Variants in MAP4 observed in about 807,000 individuals in gnomAD.
The protein encoded by MAP4 is microtubule-associated protein 4.
A neutral mutation model predicts 170.2 loss-of-function variants in MAP4; 76 were observed. The ratio of observed to expected loss-of-function variants is 0.45; its 90% CI spans 0.37 to 0.54. The LOEUF is 0.54. Among genes scored for constraint, MAP4 ranks in the 20% least tolerant of loss-of-function variants. MAP4 has a pLI of 0.00. For synonymous variants in MAP4, 909 were observed against 994.5 expected, an observed-to-expected ratio of 0.91 and a Z score of 1.62; for missense variants, 2,506 against 2,748.0, an observed-to-expected ratio of 0.91 and a Z score of 1.97.
upstream of MAP4, among the ~76,000 whole-genome samples, chr3:48,017,477 CTT>C (rs1016590856): frequency 7.0e-6 from 1 of 142,538 alleles, no homozygotes; most frequent in South Asian, 2.1e-4. Flanking sequence ...ATGTCTTTTT[CTT>C]TTTTCTTTTT....
chr3:47,994,358 T>C (rs1053019803), intron 2 of MAP4, among the ~76,000 whole-genome samples: 2 of 152,214 alleles, frequency 1.3e-5, no homozygotes, highest in African/African-American at 4.8e-5. Flanking sequence ...AAAGGAATGA[T>C]AAGATGTAAA....
chr3:47,974,183 T>C (rs2100080556), intron 3 of MAP4: 17 of 934,074 alleles, frequency 1.8e-5, no homozygotes, highest in Non-Finnish European at 2.2e-5. Flanking sequence ...CCCAGCACTT[T>C]GGGTGGCCAA....
intron 5 of MAP4, among the ~76,000 whole-genome samples, chr3:47,919,194 G>A (rs981523382): frequency 6.6e-6 from 1 of 152,140 alleles, no homozygotes; most frequent in African/African-American, 2.4e-5. Flanking sequence ...GCCTCCCAAA[G>A]TGCTGGGATT....
intron 9 of MAP4, among the ~76,000 whole-genome samples, chr3:47,906,119 G>A (rs1189670678): frequency 6.6e-6 from 1 of 151,456 alleles, no homozygotes; most frequent in Non-Finnish European, 1.5e-5. Context: ...GTAGAGAAAG[G>A]CAGGGAAACA....
At chr3:48,038,663 T>C (rs1052660018) in intron 1 of MAP4, among the ~76,000 whole-genome samples, 3 of 152,264 alleles carry the variant, frequency 2.0e-5, no homozygotes, top group Non-Finnish European at 4.4e-5. Flanking sequence ...GGTTTCACCG[T>C]GTTAGCCAGG....
Position 47,857,504 on chromosome 3 carries a change from A to C in MAP4, c.6510T>G (p.Ile2170Met). 1 of 1,612,710 alleles carries C rather than the reference A, an allele frequency of 6.2e-7. No individual in the cohort carries two copies. Among genetic ancestry groups the C allele is most frequent in the Non-Finnish European group, 8.5e-7 (1 of 1,178,710 alleles). Residue 2170 changes from isoleucine to methionine, a missense_variant, in exon 18 of 21, where the codon ATT becomes ATG. This residue lies in a region of MAP4 where 487 missense variants were observed against 511.6 expected (regional missense o/e 0.95). Transcript: ENST00000683076. ...TAGAGATGTCCACTTTCTTGTTCTG[A>C]ATCTGAACCTGAAGAGAAGGACACA... is the stretch of plus-strand genomic sequence containing the variant. Reference protein sequence around the residue: ...KHVPGGGNVQIQNKKVDISKV... With the variant: ...KHVPGGGNVQMQNKKVDISKV...
chr3:48,082,427 G>A (rs780608401), intron 1 of MAP4, among the ~76,000 whole-genome samples: 2 of 152,202 alleles, frequency 1.3e-5, no homozygotes, highest in Non-Finnish European at 2.9e-5. Flanking sequence ...ATGACTTGGT[G>A]ACTCATTTCT....
At chr3:48,030,541 G>A (rs2100115511) in intron 1 of MAP4, among the ~76,000 whole-genome samples, 1 of 151,274 alleles carries the variant, frequency 6.6e-6, no homozygotes, top group Non-Finnish European at 1.5e-5. Context: ...GCTCAGGCCT[G>A]TAATGCCAGC....
intron 3 of MAP4, among the ~76,000 whole-genome samples, chr3:47,959,374 C>T (rs1046052051): frequency 1.3e-5 from 2 of 151,656 alleles, no homozygotes; most frequent in Non-Finnish European, 2.9e-5. Flanking sequence ...GCAGGAGAAT[C>T]GCTTGAATCT....
chr3:48,060,457 G>A (rs989264673), intron 1 of MAP4, among the ~76,000 whole-genome samples: 1 of 152,080 alleles, frequency 6.6e-6, no homozygotes, highest in African/African-American at 2.4e-5. Context: ...TGACTTCTTA[G>A]ATACAACCCC....
In MAP4 at chr3:47,909,896, C is replaced by A; in HGVS notation, c.4525G>T (p.Ala1509Ser). The change falls in exon 9 of 21, where the codon GCT (alanine) becomes TCT (serine). Residue 1509 changes from alanine (A) to serine (S), a missense_variant. Ala to Ser is a moderately conservative substitution (Grantham distance 99). Transcript: ENST00000683076. ...TCTATGGCTGTTGTAATAGGTAGAG[C>A]AACTCCTCCTGTGCTTGTAGAGGGC... ...VVPSTSTGGV[A>S]LPITTAIETV... 1.2e-6 allele frequency: 2 copies of A among 1,614,014 alleles called. No individual in the cohort carries two copies. Among genetic ancestry groups the A allele is most frequent in the Non-Finnish European group, 1.7e-6 (2 of 1,179,880 alleles).
rs192074616 is a variant in MAP4, at chr3:47,940,504, C to A, written c.293-12154G>T. Among the ~76,000 whole-genome samples, 104 of 152,290 alleles carry A rather than the reference C, an allele frequency of 6.8e-4. 1 individual carries two copies. Among genetic ancestry groups the A allele is most frequent in the Non-Finnish European group, 4.6e-4 (31 of 68,026 alleles). On this transcript the variant is annotated intron_variant, in intron 3 of 20. Transcript: ENST00000683076. ...GCAGTAGAAAAAATACTTACCACTA[C>A]CACTGGCCATCCCTAGAGACTTTGA...
At position 47,874,215 on chromosome 3, in the gene MAP4, C is replaced by T. The variant is rs537167761; in HGVS notation, c.5757+1470G>A. On this transcript the variant is annotated intron_variant, in intron 12 of 20. Transcript: ENST00000683076. ...TGGCGCGGTGGCTCATGCCTGTAATCCCAGCACTTTGGGAGGCCGAGGCAG... is the reference window on the plus strand; with the variant it reads ...TGGCGCGGTGGCTCATGCCTGTAATTCCAGCACTTTGGGAGGCCGAGGCAG... Among the ~76,000 whole-genome samples, 950 of 152,286 alleles carry T rather than the reference C, an allele frequency of 6.2e-3. 8 individuals are homozygous for T. The highest frequency in any genetic ancestry group is 7.8e-3 in the Non-Finnish European group (530 of 68,028).
chr3:48,075,186 A>G (rs1374669376), intron 1 of MAP4, among the ~76,000 whole-genome samples: 1 of 152,202 alleles, frequency 6.6e-6, no homozygotes, highest in Admixed American at 6.6e-5. Flanking sequence ...AATACAAGAA[A>G]GCAAGCATGA....
chr3:48,065,887 G>C (rs1310636201), intron 1 of MAP4, among the ~76,000 whole-genome samples: 2 of 152,128 alleles, frequency 1.3e-5, no homozygotes, highest in Non-Finnish European at 2.9e-5. Flanking sequence ...GGAAGGCTGA[G>C]GTGGGAGGAT....
intron 1 of MAP4, among the ~76,000 whole-genome samples, chr3:48,055,187 C>CGT (rs1438194036): frequency 1.3e-3 from 83 of 63,644 alleles, no homozygotes; most frequent in East Asian, 3.0e-3. Context: ...TCTCCCTCTC[C>CGT]CTCTCCCTCT....
upstream of MAP4, among the ~76,000 whole-genome samples, chr3:48,019,038 G>C (rs1195629041): frequency 1.3e-5 from 2 of 152,110 alleles, no homozygotes; most frequent in Non-Finnish European, 2.9e-5. Context: ...AAATATTCAA[G>C]ATGGTCGACC....
intron 1 of MAP4, among the ~76,000 whole-genome samples, chr3:48,074,980 C>T (rs537463344): frequency 3.5e-4 from 53 of 152,164 alleles, no homozygotes; most frequent in African/African-American, 1.2e-3. Flanking sequence ...ATTCCAACTG[C>T]CTTTTCTGCA....
intron 3 of MAP4, among the ~76,000 whole-genome samples, chr3:47,972,587 T>C (rs1483063950): frequency 6.6e-6 from 1 of 152,172 alleles, no homozygotes. Context: ...TTACAATAAC[T>C]ATCAAAAATC....
Sources: allele counts gnomAD v4.1 joint callset (sites outside exome capture counted in the v4.1 genomes callset), GRCh38; gene constraint gnomAD v4.1.1; regional missense constraint gnomAD v4.1.1; transcripts MANE v1.5; gene names NCBI Gene and HGNC (gene_info 2026-07-23, HGNC 2026-07-21).